SLC22A16: variants seen among roughly 807,000 people sequenced by gnomAD.
SLC22A16 encodes solute carrier family 22 member 16.
In SLC22A16, 53 loss-of-function variants were observed where a neutral mutation model predicts 52.9. The observed-to-expected ratio is 1.00, with a 90% confidence interval of 0.80 to 1.26. The LOEUF (loss-of-function observed/expected upper bound fraction) is 1.26, where lower values mean the gene tolerates loss of function less well. SLC22A16 is among the 50% of genes most tolerant of loss of function. SLC22A16 has a pLI of 0.00. For missense variants in SLC22A16, 726 were observed against 704.0 expected, an observed-to-expected ratio of 1.03 and a Z score of -0.35; for synonymous variants, 291 against 268.8, an observed-to-expected ratio of 1.08 and a Z score of -0.81.
At chr6:110,429,466 A>C (rs1285360311) in intron 7 of SLC22A16, among the ~76,000 whole-genome samples, 1 of 152,240 alleles carries the variant, frequency 6.6e-6, no homozygotes, top group Non-Finnish European at 1.5e-5. Flanking sequence ...AGATTACGTT[A>C]GTGTCTTTTA....
At chr6:110,454,603 ATTATATATTTTATATATAATATATAT>A (rs1775516302) in intron 2 of SLC22A16, among the ~76,000 whole-genome samples, 1 of 95,974 alleles carries the variant, frequency 1.0e-5, no homozygotes, top group African/African-American at 4.4e-5. Context: ...ATTTATATAT[ATTATATATTTTATATATAATATATAT>A]TTATATATAT....
chr6:110,458,421 A>T (rs776893372), intron 1 of SLC22A16, among the ~76,000 whole-genome samples: 30 of 152,120 alleles, frequency 2.0e-4, no homozygotes, highest in Non-Finnish European at 4.1e-4. Context: ...TCGTCTCCAC[A>T]CATGGGGAGA....
intron 1 of SLC22A16, among the ~76,000 whole-genome samples, chr6:110,473,998 G>A (rs1176654147): frequency 6.6e-6 from 1 of 152,092 alleles, no homozygotes; most frequent in African/African-American, 2.4e-5. Flanking sequence ...GGTGAGCAGC[G>A]GCCAGCGAGC....
intron 1 of SLC22A16, among the ~76,000 whole-genome samples, chr6:110,463,596 C>T (rs931757236): frequency 1.4e-5 from 2 of 147,942 alleles, no homozygotes; most frequent in African/African-American, 5.0e-5. Flanking sequence ...ATTTAACTAT[C>T]CTAAATACAT....
chr6:110,431,631 A>G (rs1364791472), intron 6 of SLC22A16, among the ~76,000 whole-genome samples: 2 of 152,202 alleles, frequency 1.3e-5, no homozygotes, highest in Admixed American at 1.3e-4. Flanking sequence ...AGTTCACTCT[A>G]TGATGTTCTG....
chr6:110,476,394 C>A, intron 1 of SLC22A16, 128 bp downstream of exon 1: 1 of 1,380,900 alleles, frequency 7.2e-7, no homozygotes, highest in Non-Finnish European at 9.3e-7. Context: ...GTCCCGACTG[C>A]GCGGGGTGAG....
intron 5 of SLC22A16, among the ~76,000 whole-genome samples, chr6:110,437,580 T>A (rs1159290589): frequency 6.6e-6 from 1 of 152,226 alleles, no homozygotes; most frequent in Non-Finnish European, 1.5e-5. Flanking sequence ...CTTGTTAGCT[T>A]AAATTAAATT....
intron 5 of SLC22A16, among the ~76,000 whole-genome samples, chr6:110,438,217 A>G (rs1299844688): frequency 6.6e-6 from 1 of 152,266 alleles, no homozygotes; most frequent in African/African-American, 2.4e-5. Flanking sequence ...GTGAATGTTC[A>G]GTATGATGAT....
At chr6:110,458,629 G>T (rs1161289828) in intron 1 of SLC22A16, among the ~76,000 whole-genome samples, 1 of 152,218 alleles carries the variant, frequency 6.6e-6, no homozygotes, top group Non-Finnish European at 1.5e-5. Flanking sequence ...ATTTCTGGGT[G>T]TGTCTGTGAG....
rs781506304 is a variant in SLC22A16, at chr6:110,431,268, G to A, written c.1424C>T (p.Ser475Leu). ...TAELYPTIVRSLAVGSGSMVC... is the reference protein window; with the variant it reads ...TAELYPTIVRLLAVGSGSMVC... ...CATGCTGCCGCTTCCCACAGCCAGC[G>A]ATCTGGAAACAGAGGAGAGAGGCTG... Residue 475 changes from serine to leucine, a missense_variant and splice_region_variant, in exon 7 of 8, where the codon TCG (serine) becomes TTG (leucine). Transcript: ENST00000368919. The A allele has an allele frequency of 4.3e-6, 7 of 1,611,484 alleles. No homozygotes were observed. The highest frequency in any genetic ancestry group is 5.1e-6 in the Non-Finnish European group (6 of 1,179,710).
intron 1 of SLC22A16, chr6:110,476,272 C>T (rs1776472442): frequency 1.4e-5 from 17 of 1,230,956 alleles, no homozygotes; most frequent in Non-Finnish European, 1.7e-5. Context: ...TCCCTCCTGC[C>T]CGGCAACAGG....
intron 2 of SLC22A16, among the ~76,000 whole-genome samples, chr6:110,451,797 T>C (rs1444199039): frequency 1.3e-5 from 2 of 152,240 alleles, no homozygotes; most frequent in African/African-American, 4.8e-5. Context: ...TTTTCTTTCA[T>C]GATCAATGTT....
intron 1 of SLC22A16, among the ~76,000 whole-genome samples, chr6:110,474,040 C>CA (rs1343742820): frequency 6.6e-6 from 1 of 152,108 alleles, no homozygotes; most frequent in African/African-American, 2.4e-5. Context: ...CCTGTCAGAT[C>CA]AGCGGCGGCA....
At chr6:110,425,633 A>T (rs1478153177) in intron 7 of SLC22A16, among the ~76,000 whole-genome samples, 1 of 152,218 alleles carries the variant, frequency 6.6e-6, no homozygotes, top group Admixed American at 6.5e-5. Flanking sequence ...AGTGAAAACA[A>T]ATTGCTACTT....
chr6:110,457,440 AG>A (rs1775706546), intron 1 of SLC22A16, among the ~76,000 whole-genome samples: 1 of 152,240 alleles, frequency 6.6e-6, no homozygotes, highest in Non-Finnish European at 1.5e-5. Context: ...AACCTGAAAA[AG>A]TTCCCAGTGG....
At chr6:110,457,434 T>C (rs1775705868) in intron 1 of SLC22A16, among the ~76,000 whole-genome samples, 1 of 152,198 alleles carries the variant, frequency 6.6e-6, no homozygotes, top group African/African-American at 2.4e-5. Flanking sequence ...AGTAGCAACC[T>C]GAAAAAGTTC....
intron 1 of SLC22A16, among the ~76,000 whole-genome samples, chr6:110,459,326 G>A (rs1562296285): frequency 1.3e-5 from 2 of 152,150 alleles, no homozygotes; most frequent in Admixed American, 6.5e-5. Flanking sequence ...AAGTGATGAA[G>A]GTTAACATCC....
At chr6:110,475,717 C>CA (rs1239773672) in intron 1 of SLC22A16, among the ~76,000 whole-genome samples, 1 of 152,184 alleles carries the variant, frequency 6.6e-6, no homozygotes, top group African/African-American at 2.4e-5. Context: ...CATAACGCTG[C>CA]ATGGCCCCTC....
At chr6:110,431,060 A>G (rs1011123347) in intron 7 of SLC22A16, 111 bp downstream of exon 7, 1 of 897,578 alleles carries the variant, frequency 1.1e-6, no homozygotes, top group African/African-American at 1.6e-5. Context: ...TACAAACCCC[A>G]TTAGGAAATG....
Sources: gnomAD v4.1 joint callset for allele counts (sites outside exome capture counted in the v4.1 genomes callset) on GRCh38, gnomAD v4.1.1 for gene constraint, MANE v1.5 for transcripts, NCBI Gene and HGNC (gene_info 2026-07-23, HGNC 2026-07-21) for gene names.